EIPR1: variants seen among roughly 807,000 people sequenced by gnomAD.
EIPR1 encodes EARP and GARP complex-interacting protein 1.
Under a neutral mutation model 48.1 loss-of-function variants are expected in EIPR1, and 25 were observed. The ratio of observed to expected loss-of-function variants is 0.52; its 90% CI spans 0.38 to 0.73. EIPR1 has a LOEUF of 0.73. Among genes scored for constraint, EIPR1 ranks in the 30% least tolerant of loss-of-function variants. The pLI, the probability that EIPR1 is intolerant of heterozygous loss-of-function variation, is 0.00. For synonymous variants in EIPR1, 204 were observed against 201.9 expected (o/e 1.01, Z -0.09); for missense variants, 415 against 506.2 (o/e 0.82, Z 1.73).
At chr2:3,338,286 C>G (rs568332000) in intron 2 of EIPR1, 137 bp from the exon 3 acceptor site, 1 of 997,902 alleles carries the variant, frequency 1.0e-6, no homozygotes, top group Non-Finnish European at 1.4e-6. Context: ...ATTATGCCAA[C>G]AGTATGTGCT....
intron 3 of EIPR1, among the ~76,000 whole-genome samples, chr2:3,317,507 G>A (rs888664372): frequency 4.6e-5 from 7 of 152,182 alleles, no homozygotes; most frequent in South Asian, 2.1e-4. Flanking sequence ...ACGGAGTGCC[G>A]GGAGCGCATG....
intron 3 of EIPR1, among the ~76,000 whole-genome samples, chr2:3,316,810 C>A (rs574361187): frequency 6.6e-6 from 1 of 152,272 alleles, no homozygotes; most frequent in Non-Finnish European, 1.5e-5. Flanking sequence ...ACCTGGTCCA[C>A]ACCTTCCCCA....
At chr2:3,313,796 G>A (rs760014822) in intron 3 of EIPR1, among the ~76,000 whole-genome samples, 1 of 152,168 alleles carries the variant, frequency 6.6e-6, no homozygotes, top group Non-Finnish European at 1.5e-5. Context: ...GAAACTCAAG[G>A]CCCAAGCTGG....
chr2:3,222,023 G>A (rs1665911699), intron 4 of EIPR1, among the ~76,000 whole-genome samples: 1 of 151,430 alleles, frequency 6.6e-6, no homozygotes, highest in Non-Finnish European at 1.5e-5. Context: ...AGACACTTAT[G>A]TATGCATTTG....
intron 3 of EIPR1, among the ~76,000 whole-genome samples, chr2:3,336,631 G>C (rs928522296): frequency 6.6e-6 from 1 of 152,118 alleles, no homozygotes; most frequent in African/African-American, 2.4e-5. Flanking sequence ...AGCAGGGCAT[G>C]GTGATGTGCA....
In EIPR1 at chr2:3,240,727, C is replaced by A. The variant is rs191768985; in HGVS notation, c.416+16572G>T. The stretch of plus-strand genomic sequence containing the variant: ...CAGCAGATCCCTCCTAAAGCAAAGC[C>A]AGCAGATCCCTCCTAAAGCAAAGCC... On this transcript the variant is annotated intron_variant, in intron 4 of 8. Transcript: ENST00000382125. Among the ~76,000 whole-genome samples, 681 of 139,650 alleles carry A rather than the reference C, an allele frequency of 4.9e-3. 6 individuals are homozygous for A. The highest frequency in any genetic ancestry group is 0.018 in the African/African-American group (644 of 35,630). 91.6% of individuals were successfully genotyped at this position (139,650 alleles called of 152,430 possible). A position where few individuals can be genotyped will look rare whatever the true frequency, so the allele number is the denominator to read the frequency against.
At chr2:3,249,450 C>G (rs964518760) in intron 4 of EIPR1, among the ~76,000 whole-genome samples, 10 of 152,132 alleles carry the variant, frequency 6.6e-5, no homozygotes, top group African/African-American at 2.4e-4. Context: ...TAACAGCCTA[C>G]AATCAGATAC....
chr2:3,335,282 G>A (rs765012537), intron 3 of EIPR1, among the ~76,000 whole-genome samples: 17 of 152,200 alleles, frequency 1.1e-4, no homozygotes, highest in Non-Finnish European at 1.8e-4. Flanking sequence ...AGCCGGGGCC[G>A]CAGTAACAAC....
intron 4 of EIPR1, among the ~76,000 whole-genome samples, chr2:3,227,199 G>A (rs1666091631): frequency 6.6e-6 from 1 of 152,170 alleles, no homozygotes; most frequent in Non-Finnish European, 1.5e-5. Flanking sequence ...CTCCTACCTG[G>A]AGACTTGGAG....
intron 3 of EIPR1, among the ~76,000 whole-genome samples, chr2:3,296,955 AT>A (rs1389870711): frequency 6.6e-6 from 1 of 152,232 alleles, no homozygotes; most frequent in Non-Finnish European, 1.5e-5. Flanking sequence ...GGGGTTTCCA[AT>A]TAAGAGCTAA....
chr2:3,262,016 T>G (rs1351290866), intron 3 of EIPR1: 1 of 152,236 alleles, frequency 6.6e-6, no homozygotes, highest in Non-Finnish European at 1.5e-5. Flanking sequence ...TGGATGACTC[T>G]AAGCTCAACA....
rs11692936 is a variant in EIPR1, at chr2:3,352,436, A to C, written c.126+2114T>G. On this transcript the variant is annotated intron_variant, in intron 2 of 8. Transcript: ENST00000382125. The stretch of plus-strand genomic sequence containing the variant: ...ACAGAAGCTACCTGCCCCTGAGCCA[A>C]CCACACTGTCTGTTCCCGACACCTT... Among the ~76,000 whole-genome samples, 694 of 75,234 alleles carry C rather than the reference A, an allele frequency of 9.2e-3. 7 individuals are homozygous for C. The highest frequency in any genetic ancestry group is 0.033 in the African/African-American group (599 of 18,366). The allele number at this position is 75,234 out of a possible 152,430, so 49.4% of individuals were successfully genotyped here. A position where few individuals can be genotyped will look rare whatever the true frequency, so the allele number is the denominator to read the frequency against.
intron 3 of EIPR1, among the ~76,000 whole-genome samples, chr2:3,260,241 C>T (rs1667285916): frequency 6.6e-6 from 1 of 152,166 alleles, no homozygotes; most frequent in African/African-American, 2.4e-5. Flanking sequence ...GCCTGTAATC[C>T]CAGCACTTTG....
intron 3 of EIPR1, among the ~76,000 whole-genome samples, chr2:3,288,893 G>A (rs1668286428): frequency 6.6e-6 from 1 of 152,206 alleles, no homozygotes; most frequent in African/African-American, 2.4e-5. Flanking sequence ...GATGGCCTCG[G>A]CAACGCCCAC....
chr2:3,283,362 C>T (rs940648242), intron 3 of EIPR1, among the ~76,000 whole-genome samples: 1 of 152,212 alleles, frequency 6.6e-6, no homozygotes, highest in Non-Finnish European at 1.5e-5. Context: ...CGAGGGGCTG[C>T]GAACCACCAG....
At chr2:3,369,227 C>A (rs1187523565) in intron 1 of EIPR1, among the ~76,000 whole-genome samples, 2 of 152,164 alleles carry the variant, frequency 1.3e-5, no homozygotes, top group Non-Finnish European at 2.9e-5. Context: ...ATTTTTCAAA[C>A]CTCAGAAAAT....
At chr2:3,215,004 C>T (rs1665581973) in intron 4 of EIPR1, among the ~76,000 whole-genome samples, 1 of 152,200 alleles carries the variant, frequency 6.6e-6, no homozygotes, top group Non-Finnish European at 1.5e-5. Flanking sequence ...GCTGTCTACA[C>T]ATCAGTAAGA....
chr2:3,335,134 T>C (rs1670005086), intron 3 of EIPR1, among the ~76,000 whole-genome samples: 1 of 152,220 alleles, frequency 6.6e-6, no homozygotes, highest in Non-Finnish European at 1.5e-5. Context: ...GCGAGAGCCC[T>C]GACACAGCCT....
At chr2:3,363,834 A>G (rs551795738) in intron 1 of EIPR1, among the ~76,000 whole-genome samples, 1 of 151,902 alleles carries the variant, frequency 6.6e-6, no homozygotes, top group Admixed American at 6.6e-5. Context: ...AAATAAATCA[A>G]TTAAAAAATG....
Sources: allele counts gnomAD v4.1 joint callset (sites outside exome capture counted in the v4.1 genomes callset), GRCh38; gene constraint gnomAD v4.1.1; transcripts MANE v1.5; gene names NCBI Gene and HGNC (gene_info 2026-07-23, HGNC 2026-07-21).